FGF4: variants seen among roughly 807,000 people sequenced by gnomAD.
FGF4 encodes the protein heparin secretory transforming protein 1.
Under a neutral mutation model 15.7 loss-of-function variants are expected in FGF4, and 9 were observed. That is an observed-to-expected ratio of 0.57 (90% CI 0.35 to 1.00). The LOEUF is 1.00. Among genes scored for constraint, FGF4 ranks in the 50% least tolerant of loss-of-function variants. The pLI is 0.02. For missense variants in FGF4, 286 were observed against 297.3 expected (o/e 0.96, Z 0.28); for synonymous variants, 164 against 144.8 (o/e 1.13, Z -0.95).
Position 69,775,324 on chromosome 11 carries a change from C to A in FGF4, c.-240G>T. 1 of 364,000 alleles carries A rather than the reference C, an allele frequency of 2.7e-6. No individual in the cohort carries two copies. Among genetic ancestry groups the A allele is most frequent in the Non-Finnish European group, 4.9e-6 (1 of 204,058 alleles). 22.5% of individuals were successfully genotyped at this position (364,000 alleles called of 1,614,324 possible). The stretch of plus-strand genomic sequence containing the variant: ...AGCTGGGACTCTGAGGAGCAGTGCG[C>A]GCCTCCCTGAGCGCCAGGCCCGCCC... On this transcript the variant is annotated 5_prime_UTR_variant, in exon 1 of 3. Transcript: ENST00000168712.
In FGF4 at chr11:69,773,212, G is replaced by T. The variant is rs1176813459; in HGVS notation, c.*97C>A. The T allele has an allele frequency of 1.1e-6, 1 of 886,526 alleles. No homozygotes were observed. Among genetic ancestry groups the T allele is most frequent in the East Asian group, 2.5e-5 (1 of 39,866 alleles). 54.9% of individuals were successfully genotyped at this position (886,526 alleles called of 1,614,324 possible). A position where few individuals can be genotyped will look rare whatever the true frequency, so the allele number is the denominator to read the frequency against. ...ATTTAAATATCTTACACCTACTCTT[G>T]CATTAAACTCTTCATCCGAAGAAAG... On this transcript the variant is annotated 3_prime_UTR_variant, in exon 3 of 3. Transcript: ENST00000168712.
Position 69,774,792 on chromosome 11 carries a change from G to A in FGF4, c.293C>T (p.Ala98Val), listed in dbSNP as rs745670123. 27 of 1,523,634 alleles carry A rather than the reference G, an allele frequency of 1.8e-5. No homozygotes were observed. The highest frequency in any genetic ancestry group is 8.7e-6 in the Non-Finnish European group (10 of 1,146,456). 94.4% of individuals were successfully genotyped at this position (1,523,634 alleles called of 1,614,324 possible). Reference protein sequence around the residue: ...CNVGIGFHLQALPDGRIGGAH... With the variant: ...CNVGIGFHLQVLPDGRIGGAH... ...GCCGCCGATGCGGCCGTCGGGGAGC[G>A]CCTGGAGGTGGAAGCCGATGCCCAC... The change falls in exon 1 of 3, where the codon GCG (alanine) becomes GTG (valine). Residue 98 changes from alanine to valine, a missense_variant. By Grantham distance (64) the Ala-to-Val change is moderately conservative. Transcript: ENST00000168712.
Position 69,775,177 on chromosome 11 carries a change from G to C in FGF4, c.-93C>G. The C allele has an allele frequency of 2.2e-6, 2 of 892,372 alleles. No homozygotes were observed. Among genetic ancestry groups the C allele is most frequent in the Non-Finnish European group, 3.0e-6 (2 of 675,386 alleles). The allele number at this position is 892,372 out of a possible 1,614,324, so 55.3% of individuals were successfully genotyped here. On this transcript the variant is annotated 5_prime_UTR_variant, in exon 1 of 3. Transcript: ENST00000168712. ...CCTGTGGCGTCCCGCGGGAGCGCAC[G>C]GCCGACCTCGGGCAGGAGTGCGCAA... is the stretch of plus-strand genomic sequence containing the variant.
In FGF4 at chr11:69,774,912, A is replaced by G. The variant is rs1424386120; in HGVS notation, c.173T>C (p.Leu58Pro). The G allele has an allele frequency of 6.7e-7, 1 of 1,481,564 alleles. No individual in the cohort carries two copies. Among genetic ancestry groups the G allele is most frequent in the Non-Finnish European group, 8.9e-7 (1 of 1,123,876 alleles). The allele number at this position is 1,481,564 out of a possible 1,614,324, so 91.8% of individuals were successfully genotyped here. The change falls in exon 1 of 3, where the codon CTG becomes CCG. Residue 58 changes from leucine (L) to proline (P), a missense_variant. Transcript: ENST00000168712. ...ESLVALSLARLPVAAQPKEAA... is the reference protein window; with the variant it reads ...ESLVALSLARPPVAAQPKEAA... Reference sequence around the variant, plus strand: ...CTCCTTGGGCTGCGCTGCCACCGGCAGGCGCGCCAACGAGAGCGCCACCAG... The same window carrying G: ...CTCCTTGGGCTGCGCTGCCACCGGCGGGCGCGCCAACGAGAGCGCCACCAG...
In FGF4 at chr11:69,775,092, C is replaced by G. The variant is rs1431798591; in HGVS notation, c.-8G>C. On this transcript the variant is annotated 5_prime_UTR_variant, in exon 1 of 3. Transcript: ENST00000168712. ...CGTCCCGGGCCCCGACATCCCGGCC[C>G]GAGGGCCGTGCGTCGGTCAGGCGGT... 7.6e-7 allele frequency: 1 copy of G among 1,317,180 alleles called. No homozygotes were observed. Among genetic ancestry groups the G allele is most frequent in the African/African-American group, 1.5e-5 (1 of 64,584 alleles). The allele number at this position is 1,317,180 out of a possible 1,614,324, so 81.6% of individuals were successfully genotyped here.
rs1172261392 is a variant in FGF4 at position 69,772,196 on chromosome 11, C to G, written c.*1113G>C. Reference sequence around the variant, plus strand: ...AAAAAAAGCCACTTGGGATGGCAAACTCCTGCACCGGGTATGAGCTTTCTG... The same window carrying G: ...AAAAAAAGCCACTTGGGATGGCAAAGTCCTGCACCGGGTATGAGCTTTCTG... On this transcript the variant is annotated 3_prime_UTR_variant, in exon 3 of 3. Transcript: ENST00000168712. 6.6e-6 allele frequency: 1 copy of G among 152,220 alleles called. No homozygotes were observed. Among genetic ancestry groups the G allele is most frequent in the Non-Finnish European group, 1.5e-5 (1 of 68,042 alleles). The allele number at this position is 152,220 out of a possible 1,614,324, so 9.4% of individuals were successfully genotyped here.
At chr11:69,774,548 G>A (rs1855615290) in intron 1 of FGF4, among the ~76,000 whole-genome samples, 197 bp downstream of exon 1, 1 of 152,182 alleles carries the variant, frequency 6.6e-6, no homozygotes. Context: ...CGACCTCAGG[G>A]GTTGCGCTGG....
Position 69,775,081 on chromosome 11 carries a change from ACATCCCGGC to A in FGF4, c.-6_3del. On this transcript the variant is annotated start_lost and 5_prime_UTR_variant, in exon 1 of 3. Transcript: ENST00000168712. ...GCTACCGCGGCCGTCCCGGGCCCCG[ACATCCCGGC>A]CCGAGGGCCGTGCGTCGGTCAGGCG... The A allele has an allele frequency of 1.5e-6, 2 of 1,331,080 alleles. No individual in the cohort carries two copies. The highest frequency in any genetic ancestry group is 1.9e-6 in the Non-Finnish European group (2 of 1,050,318). 82.5% of individuals were successfully genotyped at this position (1,331,080 alleles called of 1,614,324 possible).
rs2119833962 is a variant in FGF4, at chr11:69,775,059, A to C, written c.26T>G (p.Val9Gly). The change falls in exon 1 of 3, where the codon GTA becomes GGA. Residue 9 changes from valine to glycine, a missense_variant. Physicochemically the swap from Val to Gly is moderately radical, Grantham distance 109. Transcript: ENST00000168712. ...CAGCAGGACCGCCGGGAGCAGCGCT[A>C]CCGCGGCCGTCCCGGGCCCCGACAT... MSGPGTAA[V>G]ALLPAVLLAL... 7.4e-7 allele frequency: 1 copy of C among 1,355,170 alleles called. No homozygotes were observed. The highest frequency in any genetic ancestry group is 1.5e-5 in the African/African-American group (1 of 65,062). 83.9% of individuals were successfully genotyped at this position (1,355,170 alleles called of 1,614,324 possible).
intron 2 of FGF4, among the ~76,000 whole-genome samples, chr11:69,773,770 G>A (rs920894821): frequency 5.3e-5 from 8 of 152,174 alleles, no homozygotes; most frequent in African/African-American, 1.9e-4. Context: ...TACCCCTCTG[G>A]ACTAGAGAAG....
In FGF4 at chr11:69,773,396, G is replaced by A. The variant is rs1855598237; in HGVS notation, c.534C>T (p.Phe178=). ...TCTTCCCATTCTTGCTCAGGGCGATGAACATGCCGGGGTACTTGTAGGACT... is the reference window on the plus strand; with the variant it reads ...TCTTCCCATTCTTGCTCAGGGCGATAAACATGCCGGGGTACTTGTAGGACT... The part of the protein sequence containing the change: ...AYESYKYPGM[F]IALSKNGKTK... The change falls in exon 3 of 3, where the codon TTC becomes TTT. Residue 178 remains phenylalanine (F), a synonymous_variant. Coordinates refer to ENST00000168712, the MANE Select transcript of FGF4 (RefSeq NM_002007.4). 2 of 1,614,182 alleles carry A rather than the reference G, an allele frequency of 1.2e-6. No individual in the cohort carries two copies. The highest frequency in any genetic ancestry group is 1.7e-5 in the Admixed American group (1 of 60,022).
rs1259086821 is a variant in FGF4, at chr11:69,771,410, A to G, written c.*1899T>C. On this transcript the variant is annotated 3_prime_UTR_variant, in exon 3 of 3. Coordinates refer to ENST00000168712, the MANE Select transcript of FGF4 (RefSeq NM_002007.4). ...CTCATAATAATTTAAGGCATTTAAG[A>G]CAATCATGGTTTGTTACTAAGTGAA... The G allele has an allele frequency of 6.6e-6, 1 of 152,214 alleles. No individual in the cohort carries two copies. Among genetic ancestry groups the G allele is most frequent in the Non-Finnish European group, 1.5e-5 (1 of 68,038 alleles). 9.4% of individuals were successfully genotyped at this position (152,214 alleles called of 1,614,324 possible). A position where few individuals can be genotyped will look rare whatever the true frequency, so the allele number is the denominator to read the frequency against.
rs1309033444 is a variant in FGF4 at position 69,772,551 on chromosome 11, T to C, written c.*758A>G. The C allele has an allele frequency of 6.6e-6, 1 of 152,262 alleles. No homozygotes were observed. The highest frequency in any genetic ancestry group is 1.5e-5 in the Non-Finnish European group (1 of 68,054). 9.4% of individuals were successfully genotyped at this position (152,262 alleles called of 1,614,324 possible). On this transcript the variant is annotated 3_prime_UTR_variant, in exon 3 of 3. Coordinates refer to ENST00000168712, the MANE Select transcript of FGF4 (RefSeq NM_002007.4). ...GCAAATACACTATCTTGTCCATTTC[T>C]AGCCTTCCAGTGGGATATTGATTCC...
In FGF4 at chr11:69,772,786, G is replaced by A. The variant is rs527971280; in HGVS notation, c.*523C>T. 6 of 163,762 alleles carry A rather than the reference G, an allele frequency of 3.7e-5. No individual in the cohort carries two copies. The highest frequency in any genetic ancestry group is 2.0e-4 in the South Asian group (1 of 4,978). The allele number at this position is 163,762 out of a possible 1,614,324, so 10.1% of individuals were successfully genotyped here. A position where few individuals can be genotyped will look rare whatever the true frequency, so the allele number is the denominator to read the frequency against. Reference sequence around the variant, plus strand: ...GAGTGGCAGCGAGGACTTCAACACCGCACTTTCTGTACCCGAAGTAAACCG... The same window carrying A: ...GAGTGGCAGCGAGGACTTCAACACCACACTTTCTGTACCCGAAGTAAACCG... On this transcript the variant is annotated 3_prime_UTR_variant, in exon 3 of 3. Transcript: ENST00000168712.
At chr11:69,774,204 G>T (rs1372517708) in intron 1 of FGF4, 77 bp from the exon 2 acceptor site, 3 of 1,239,286 alleles carry the variant, frequency 2.4e-6, no homozygotes, top group Admixed American at 2.0e-5. Flanking sequence ...CGCCTCCGGG[G>T]ACCCTATTTC....
rs1855579156 is a variant in FGF4 at position 69,772,146 on chromosome 11, T to G, written c.*1163A>C. ...TCGAATGGGACGCACCGACGCTATC[T>G]GCAATCCTTTTTGGCTACATATGGA... On this transcript the variant is annotated 3_prime_UTR_variant, in exon 3 of 3. Coordinates refer to ENST00000168712, the MANE Select transcript of FGF4 (RefSeq NM_002007.4). 6.6e-6 allele frequency: 1 copy of G among 152,230 alleles called. No individual in the cohort carries two copies. The highest frequency in any genetic ancestry group is 6.5e-5 in the Admixed American group (1 of 15,282). 9.4% of individuals were successfully genotyped at this position (152,230 alleles called of 1,614,324 possible). A position where few individuals can be genotyped will look rare whatever the true frequency, so the allele number is the denominator to read the frequency against.
chr11:69,773,922 C>T (rs1258576867), intron 2 of FGF4, 102 bp downstream of exon 2: 6 of 938,792 alleles, frequency 6.4e-6, no homozygotes, highest in Non-Finnish European at 9.7e-6. Flanking sequence ...CCCTGCCACC[C>T]CTCCAAGACC....
Position 69,773,275 on chromosome 11 carries a change from C to T in FGF4, c.*34G>A. The T allele has an allele frequency of 6.2e-7, 1 of 1,607,910 alleles. No homozygotes were observed. Among genetic ancestry groups the T allele is most frequent in the South Asian group, 1.1e-5 (1 of 90,828 alleles). ...ACCCTCGGCACTGCCCTCCCAGGGG[C>T]TTCCCGAGGCTGAGGCAAGGGTCCT... On this transcript the variant is annotated 3_prime_UTR_variant, in exon 3 of 3. Coordinates refer to ENST00000168712, the MANE Select transcript of FGF4 (RefSeq NM_002007.4).
At position 69,775,215 on chromosome 11, in the gene FGF4, G is replaced by A; in HGVS notation, c.-131C>T. ...CAGGAGTGCGCAACCGAGGAGGTGC[G>A]GGAGGCAAGCGACGGGGCCCCCGGG... On this transcript the variant is annotated 5_prime_UTR_variant, in exon 1 of 3. Transcript: ENST00000168712. 2 of 593,214 alleles carry A rather than the reference G, an allele frequency of 3.4e-6. No homozygotes were observed. The highest frequency in any genetic ancestry group is 4.9e-6 in the Non-Finnish European group (2 of 405,816). 36.7% of individuals were successfully genotyped at this position (593,214 alleles called of 1,614,324 possible). A position where few individuals can be genotyped will look rare whatever the true frequency, so the allele number is the denominator to read the frequency against.
Sources: gnomAD v4.1 joint callset for allele counts (sites outside exome capture counted in the v4.1 genomes callset) on GRCh38, gnomAD v4.1.1 for gene constraint, MANE v1.5 for transcripts, NCBI Gene and HGNC (gene_info 2026-07-23, HGNC 2026-07-21) for gene names.